The following GPC5 variants were observed in gnomAD, a reference collection of about 807,000 sequenced individuals.
The protein encoded by GPC5 is glypican-5.
A neutral mutation model predicts 53.9 loss-of-function variants in GPC5; 47 were observed. The ratio of observed to expected loss-of-function variants is 0.87; its 90% CI spans 0.69 to 1.11. The LOEUF (loss-of-function observed/expected upper bound fraction) is 1.11, where lower values mean the gene tolerates loss of function less well. Ranked by LOEUF, GPC5 falls within the 50% of genes most tolerant of loss-of-function variation. GPC5 has a pLI of 0.00. For synonymous variants in GPC5, 286 were observed against 263.3 expected (o/e 1.09, Z -0.84); for missense variants, 748 against 713.1 (o/e 1.05, Z -0.56).
chr13:91,524,457 A>G (rs983133873), intron 2 of GPC5, among the ~76,000 whole-genome samples: 10 of 152,312 alleles, frequency 6.6e-5, no homozygotes, highest in Admixed American at 1.3e-4. Context: ...TAGATAATTA[A>G]TGAAAAATAA....
At chr13:91,958,763 A>G (rs545281316) in intron 6 of GPC5, among the ~76,000 whole-genome samples, 16 of 152,150 alleles carry the variant, frequency 1.1e-4, no homozygotes, top group Non-Finnish European at 2.1e-4. Context: ...ATTAAACAAC[A>G]TGCTCCTGAA....
At chr13:91,419,826 A>G (rs1174904415) in intron 1 of GPC5, among the ~76,000 whole-genome samples, 1 of 152,222 alleles carries the variant, frequency 6.6e-6, no homozygotes, top group Non-Finnish European at 1.5e-5. Flanking sequence ...TACCTATGGA[A>G]TGCTTTTAGC....
intron 2 of GPC5, among the ~76,000 whole-genome samples, chr13:91,683,975 G>C (rs1000566009): frequency 2.6e-5 from 4 of 152,156 alleles, no homozygotes; most frequent in Admixed American, 6.5e-5. Flanking sequence ...TGTTATCAAG[G>C]TTGCTAAGGG....
intron 2 of GPC5, among the ~76,000 whole-genome samples, chr13:91,645,473 CA>C (rs2139516845): frequency 6.6e-6 from 1 of 152,252 alleles, no homozygotes; most frequent in South Asian, 2.1e-4. Context: ...CAGTATAGAT[CA>C]GGGGGAAGAA....
chr13:91,557,941 C>A (rs372638741), intron 2 of GPC5, among the ~76,000 whole-genome samples: 15 of 152,004 alleles, frequency 9.9e-5, no homozygotes, highest in Non-Finnish European at 1.5e-5. Context: ...ACCAGAAAAA[C>A]GTGGGATTGA....
chr13:91,612,170 G>A (rs1040424653), intron 2 of GPC5, among the ~76,000 whole-genome samples: 1 of 152,138 alleles, frequency 6.6e-6, no homozygotes, highest in Admixed American at 6.6e-5. Context: ...AGTCTTGTTT[G>A]GCTGGGACAA....
At chr13:92,353,449 A>T (rs1024817345) in intron 7 of GPC5, among the ~76,000 whole-genome samples, 1 of 152,110 alleles carries the variant, frequency 6.6e-6, no homozygotes, top group African/African-American at 2.4e-5. Context: ...TCTTTCATAT[A>T]AAGTAATACC....
chr13:92,077,586 A>G (rs1397395417), intron 6 of GPC5, among the ~76,000 whole-genome samples: 1 of 152,190 alleles, frequency 6.6e-6, no homozygotes, highest in Non-Finnish European at 1.5e-5. Context: ...GTATCCAGTC[A>G]TAAAGCCAAG....
intron 6 of GPC5, among the ~76,000 whole-genome samples, chr13:92,053,795 C>CGAGGTGGGCGGATCACCT (rs1644911818): frequency 6.6e-6 from 1 of 151,756 alleles, no homozygotes; most frequent in South Asian, 2.1e-4. Flanking sequence ...TTTGGGAGGC[C>CGAGGTGGGCGGATCACCT]GAGGTGGGCG....
chr13:91,463,551 AG>A (rs1882061361), intron 2 of GPC5, among the ~76,000 whole-genome samples: 1 of 152,118 alleles, frequency 6.6e-6, no homozygotes. Context: ...CCTAATAATA[AG>A]GCTATACAGC....
intron 2 of GPC5, among the ~76,000 whole-genome samples, chr13:91,535,210 G>A (rs1886533083): frequency 6.6e-6 from 1 of 151,950 alleles, no homozygotes; most frequent in Non-Finnish European, 1.5e-5. Flanking sequence ...TATGATTTAG[G>A]GCTCAGTTAA....
chr13:92,721,564 T>C (rs1888509531), intron 7 of GPC5: 1 of 152,096 alleles, frequency 6.6e-6, no homozygotes, highest in South Asian at 2.1e-4. Context: ...CAGTCACTGT[T>C]CACGGCAACC....
intron 7 of GPC5, among the ~76,000 whole-genome samples, chr13:92,847,777 T>A (rs1335466322): frequency 6.6e-6 from 1 of 152,138 alleles, no homozygotes; most frequent in Non-Finnish European, 1.5e-5. Context: ...TTCTATAGGA[T>A]TTTTTTATTC....
intron 5 of GPC5, among the ~76,000 whole-genome samples, chr13:91,823,977 G>A (rs1354097657): frequency 3.3e-5 from 5 of 152,066 alleles, no homozygotes; most frequent in Non-Finnish European, 5.9e-5. Context: ...ATTTGGCAAA[G>A]TTATCTAATC....
intron 7 of GPC5, among the ~76,000 whole-genome samples, chr13:92,276,092 C>T (rs1594058674): frequency 1.3e-5 from 2 of 152,158 alleles, no homozygotes; most frequent in Middle Eastern, 3.4e-3. Context: ...AAAGAAAGAA[C>T]GGACCCATAT....
rs2031810793 is a variant in GPC5, at chr13:91,571,798, T to TGTATACACAC, written c.326-121389_326-121388insGTATACACAC. 6.8e-5 allele frequency among the ~76,000 whole-genome samples: 8 copies of TGTATACACAC among 117,252 alleles called. 1 individual carries two copies. Among genetic ancestry groups the TGTATACACAC allele is most frequent in the African/African-American group, 2.8e-4 (8 of 28,682 alleles). 76.9% of individuals were successfully genotyped at this position (117,252 alleles called of 152,430 possible). A position where few individuals can be genotyped will look rare whatever the true frequency, so the allele number is the denominator to read the frequency against. ...ATACACACACATATACGTGTGTGTA[T>TGTATACACAC]ATATACACACACATACGTGTGTGTA... On this transcript the variant is annotated intron_variant, in intron 2 of 7. Transcript: ENST00000377067.
At chr13:92,166,097 T>G (rs1239480603) in intron 7 of GPC5, among the ~76,000 whole-genome samples, 4 of 152,206 alleles carry the variant, frequency 2.6e-5, no homozygotes, top group Non-Finnish European at 5.9e-5. Flanking sequence ...CTTAAAGAAA[T>G]GTATTGTTGG....
intron 5 of GPC5, among the ~76,000 whole-genome samples, chr13:91,857,233 A>T (rs2038976789): frequency 1.3e-5 from 2 of 151,392 alleles, no homozygotes; most frequent in South Asian, 4.1e-4. Context: ...AGTCCTGTGC[A>T]TTTCTATATA....
intron 7 of GPC5, among the ~76,000 whole-genome samples, chr13:92,816,594 T>C (rs1300326927): frequency 6.6e-6 from 1 of 152,048 alleles, no homozygotes. Flanking sequence ...TGCTTTCACT[T>C]AATTGTACTG....
Sources: allele counts gnomAD v4.1 joint callset (sites outside exome capture counted in the v4.1 genomes callset), GRCh38; gene constraint gnomAD v4.1.1; transcripts MANE v1.5; gene names NCBI Gene and HGNC (gene_info 2026-07-23, HGNC 2026-07-21).